The following TRPM3 variants were observed in gnomAD, a reference collection of about 807,000 sequenced individuals.
TRPM3 encodes long transient receptor potential channel 3.
TRPM3 carries 77 observed loss-of-function variants against 181.2 expected under a neutral mutation model. The observed-to-expected ratio is 0.42, with a 90% CI of 0.35 to 0.51. TRPM3 has a LOEUF of 0.51. Ranked by LOEUF, TRPM3 falls within the 20% of genes least tolerant of loss-of-function variation. The pLI, the probability that TRPM3 is intolerant of heterozygous loss-of-function variation, is 0.01. For missense variants in TRPM3, 1,759 were observed against 2,196.7 expected (o/e 0.80, Z 3.98); for synonymous variants, 745 against 796.4 (o/e 0.94, Z 1.09).
chr9:71,023,102 A>G (rs2097859942), intron 1 of TRPM3, among the ~76,000 whole-genome samples: 2 of 152,214 alleles, frequency 1.3e-5, no homozygotes, highest in African/African-American at 4.8e-5. Context: ...TCTGACAAAT[A>G]ACTGTTACTG....
At chr9:71,291,911 C>A (rs767992541) in intron 1 of TRPM3, among the ~76,000 whole-genome samples, 27 of 152,076 alleles carry the variant, frequency 1.8e-4, no homozygotes, top group Non-Finnish European at 2.9e-4. Context: ...AAAATGATTG[C>A]AAATTAGAAC....
At chr9:70,646,794 A>G (rs1384186051) in intron 9 of TRPM3, among the ~76,000 whole-genome samples, 1 of 151,922 alleles carries the variant, frequency 6.6e-6, no homozygotes, top group African/African-American at 2.4e-5. Context: ...TAGCTAGACT[A>G]ATAAAGAAAA....
At chr9:70,613,022 T>A (rs2062219661) in intron 18 of TRPM3, among the ~76,000 whole-genome samples, 1 of 152,168 alleles carries the variant, frequency 6.6e-6, no homozygotes, top group African/African-American at 2.4e-5. Context: ...TTAGGCAAAG[T>A]GGAGACATTT....
intron 5 of TRPM3, among the ~76,000 whole-genome samples, chr9:70,835,944 A>G (rs1343731933): frequency 2.0e-5 from 3 of 152,162 alleles, no homozygotes; most frequent in Non-Finnish European, 4.4e-5. Context: ...AGTAATGCTA[A>G]AAATGATGAC....
intron 1 of TRPM3, among the ~76,000 whole-genome samples, chr9:71,147,424 G>GACACACACACACAGACACACACACACAC: frequency 6.9e-6 from 1 of 145,042 alleles, no homozygotes; most frequent in East Asian, 2.1e-4. Flanking sequence ...GCAACACACA[G>GACACACACACACAGACACACACACACAC]ACACACACAC....
At chr9:70,610,255 C>T (rs1472388318) in intron 19 of TRPM3, among the ~76,000 whole-genome samples, 2 of 152,182 alleles carry the variant, frequency 1.3e-5, no homozygotes, top group Non-Finnish European at 2.9e-5. Flanking sequence ...CCGGGACTGA[C>T]ATCTAAAATG....
intron 8 of TRPM3, among the ~76,000 whole-genome samples, chr9:70,757,120 C>T (rs1326603313): frequency 6.6e-6 from 1 of 152,010 alleles, no homozygotes; most frequent in Admixed American, 6.6e-5. Context: ...AGAGAAGAAT[C>T]GAATAGACAC....
At chr9:71,346,681 A>G (rs1480348658) in intron 1 of TRPM3, among the ~76,000 whole-genome samples, 4 of 152,226 alleles carry the variant, frequency 2.6e-5, no homozygotes, top group Non-Finnish European at 5.9e-5. Context: ...TAAAGTAATG[A>G]GAGAAAATAT....
intron 1 of TRPM3, among the ~76,000 whole-genome samples, chr9:71,007,584 A>G (rs1446832140): frequency 6.6e-6 from 1 of 152,200 alleles, no homozygotes; most frequent in Non-Finnish European, 1.5e-5. Flanking sequence ...AAAGTGTTCA[A>G]ATTTATGGAT....
At chr9:71,345,162 C>G (rs929267031) in intron 1 of TRPM3, among the ~76,000 whole-genome samples, 2 of 152,150 alleles carry the variant, frequency 1.3e-5, no homozygotes, top group Admixed American at 6.5e-5. Context: ...TTAGTTCAAC[C>G]ATTGTGGAAG....
intron 3 of TRPM3, among the ~76,000 whole-genome samples, chr9:70,854,622 G>A (rs2095336011): frequency 6.6e-6 from 1 of 152,098 alleles, no homozygotes. Context: ...AAAAGCACCT[G>A]TTTGGGCTAT....
chr9:70,904,977 G>A (rs1418779268), intron 1 of TRPM3, among the ~76,000 whole-genome samples: 3 of 152,168 alleles, frequency 2.0e-5, no homozygotes, highest in Non-Finnish European at 4.4e-5. Flanking sequence ...GCTGTTTAAT[G>A]AAGTAGGTAA....
chr9:70,852,743 C>T (rs1003003787), intron 3 of TRPM3, among the ~76,000 whole-genome samples: 2 of 152,134 alleles, frequency 1.3e-5, no homozygotes, highest in African/African-American at 4.8e-5. Context: ...TATAACTTGA[C>T]ATAATCTTGC....
intron 1 of TRPM3, among the ~76,000 whole-genome samples, chr9:71,158,641 T>C (rs1169084831): frequency 6.6e-6 from 1 of 152,166 alleles, no homozygotes; most frequent in Non-Finnish European, 1.5e-5. Context: ...AGAATAATAA[T>C]GTCTCTCTTA....
At chr9:70,557,380 C>A (rs767921049) in intron 22 of TRPM3, among the ~76,000 whole-genome samples, 1 of 152,156 alleles carries the variant, frequency 6.6e-6, no homozygotes, top group Non-Finnish European at 1.5e-5. Flanking sequence ...TAAGAAATAG[C>A]CTTCATTTGG....
Position 70,616,011 on chromosome 9 carries a change from A to G in TRPM3, c.2423T>C (p.Met808Thr), listed in dbSNP as rs755001036. The change falls in exon 18 of 26, where the codon ATG becomes ACG. Residue 808 changes from methionine to threonine, a missense_variant. Met to Thr is a moderately conservative substitution (Grantham distance 81). Transcript: ENST00000677713. ...LSLEFKNKDDMPYMSQAQEIH... is the reference protein window; with the variant it reads ...LSLEFKNKDDTPYMSQAQEIH... ...TTCCTGGGCCTGAGACATATAGGGC[A>G]TGTCGTCTTTGTTCTTGAACTCCAA... The G allele has an allele frequency of 6.2e-7, 1 of 1,612,318 alleles. No individual in the cohort carries two copies. The highest frequency in any genetic ancestry group is 8.5e-7 in the Non-Finnish European group (1 of 1,179,114).
chr9:71,280,037 C>T (rs1383827942), intron 1 of TRPM3, among the ~76,000 whole-genome samples: 2 of 143,778 alleles, frequency 1.4e-5, no homozygotes, highest in African/African-American at 5.2e-5. Flanking sequence ...GAGATCTTGA[C>T]ATTGCACTCT....
chr9:71,178,879 G>T (rs2077248801), intron 1 of TRPM3, among the ~76,000 whole-genome samples: 1 of 152,090 alleles, frequency 6.6e-6, no homozygotes, highest in Admixed American at 6.6e-5. Flanking sequence ...CTTCAGCGGA[G>T]TTTCTTCTAT....
At chr9:70,631,793 G>T (rs537821731) in intron 12 of TRPM3, among the ~76,000 whole-genome samples, 2 of 152,276 alleles carry the variant, frequency 1.3e-5, no homozygotes, top group East Asian at 3.9e-4. Flanking sequence ...AATAATTTGA[G>T]ATTTCAAAAC....
Sources: gnomAD v4.1 joint callset for allele counts (sites outside exome capture counted in the v4.1 genomes callset) on GRCh38, gnomAD v4.1.1 for gene constraint, MANE v1.5 for transcripts, NCBI Gene and HGNC (gene_info 2026-07-23, HGNC 2026-07-21) for gene names.